IGSF21: variants seen among roughly 807,000 people sequenced by gnomAD.
IGSF21 encodes immunoglobin superfamily member 21.
In IGSF21, 28 loss-of-function variants were observed where a neutral mutation model predicts 46.8. The ratio of observed to expected loss-of-function variants is 0.60; its 90% CI spans 0.44 to 0.82. The LOEUF is 0.82. IGSF21 is among the 40% of genes least tolerant of loss of function. The pLI is 0.00. For synonymous variants in IGSF21, 284 were observed against 273.6 expected, an observed-to-expected ratio of 1.04 and a Z score of -0.38; for missense variants, 624 against 665.5, an observed-to-expected ratio of 0.94 and a Z score of 0.69.
At chr1:18,310,452 G>A (rs1185446699) in intron 3 of IGSF21, among the ~76,000 whole-genome samples, 1 of 152,226 alleles carries the variant, frequency 6.6e-6, no homozygotes, top group African/African-American at 2.4e-5. Context: ...TTACTACGTA[G>A]TACTCCACTG....
intron 1 of IGSF21, among the ~76,000 whole-genome samples, chr1:18,163,436 G>A (rs1348885900): frequency 6.6e-6 from 1 of 152,140 alleles, no homozygotes; most frequent in Non-Finnish European, 1.5e-5. Flanking sequence ...GGATGTATCT[G>A]CCTCTAAATC....
At chr1:18,346,783 T>G (rs1569853075) in intron 4 of IGSF21, among the ~76,000 whole-genome samples, 1 of 152,242 alleles carries the variant, frequency 6.6e-6, no homozygotes, top group East Asian at 1.9e-4. Flanking sequence ...GTGGGGGGCC[T>G]GAGACAGCTG....
chr1:18,376,691 C>A (rs917552991), intron 7 of IGSF21, 109 bp from the exon 8 acceptor site: 5 of 1,068,538 alleles, frequency 4.7e-6, no homozygotes, highest in East Asian at 4.9e-5. Context: ...ACTCCTAACC[C>A]GTCGGATGAG....
intron 2 of IGSF21, among the ~76,000 whole-genome samples, chr1:18,263,042 G>C (rs1348436576): frequency 6.6e-6 from 1 of 152,238 alleles, no homozygotes; most frequent in African/African-American, 2.4e-5. Context: ...ACATCCGCAG[G>C]ATGGGGCAAT....
chr1:18,118,074 C>A (rs1184770315), intron 1 of IGSF21, among the ~76,000 whole-genome samples: 2 of 152,198 alleles, frequency 1.3e-5, no homozygotes, highest in African/African-American at 2.4e-5. Flanking sequence ...CAACCCCCAG[C>A]CTCCTACATC....
chr1:18,352,303 G>A (rs1205370645), intron 4 of IGSF21, among the ~76,000 whole-genome samples: 1 of 152,136 alleles, frequency 6.6e-6, no homozygotes, highest in Non-Finnish European at 1.5e-5. Flanking sequence ...CTAATTTAGA[G>A]ATGCACCAAC....
At chr1:18,201,596 A>T (rs1355933034) in intron 1 of IGSF21, among the ~76,000 whole-genome samples, 1 of 152,112 alleles carries the variant, frequency 6.6e-6, no homozygotes, top group African/African-American at 2.4e-5. Flanking sequence ...GGTGAGGGAC[A>T]CCAGGCATGG....
intron 2 of IGSF21, among the ~76,000 whole-genome samples, chr1:18,275,757 C>A (rs1569699329): frequency 6.6e-6 from 1 of 152,220 alleles, no homozygotes; most frequent in South Asian, 2.1e-4. Flanking sequence ...AGACAGGAAG[C>A]CAGATGGAAA....
intron 3 of IGSF21, among the ~76,000 whole-genome samples, chr1:18,296,221 CT>C (rs760183942): frequency 6.6e-6 from 1 of 152,194 alleles, no homozygotes; most frequent in Non-Finnish European, 1.5e-5. Context: ...CACATAAACC[CT>C]TTCCTCCTAA....
At chr1:18,268,026 G>A (rs190088318) in intron 2 of IGSF21, among the ~76,000 whole-genome samples, 88 of 152,280 alleles carry the variant, frequency 5.8e-4, no homozygotes, top group African/African-American at 1.9e-3. Flanking sequence ...AGGGATCTTC[G>A]TCTGTTTTAT....
intron 4 of IGSF21, among the ~76,000 whole-genome samples, chr1:18,355,090 C>A (rs1407117175): frequency 6.6e-6 from 1 of 152,170 alleles, no homozygotes; most frequent in East Asian, 1.9e-4. Context: ...GGGAGCAGAG[C>A]CTGGGCTAGA....
chr1:18,352,738 G>T (rs11260986), intron 4 of IGSF21, among the ~76,000 whole-genome samples: 2,775 of 152,302 alleles, frequency 0.018, 92 homozygotes, highest in African/African-American at 0.062. Context: ...CAGCCAGCCA[G>T]AGCCTCCAGT....
intron 4 of IGSF21, among the ~76,000 whole-genome samples, chr1:18,356,850 G>T (rs1384071204): frequency 3.3e-5 from 5 of 152,138 alleles, no homozygotes; most frequent in Non-Finnish European, 7.3e-5. Flanking sequence ...AATGGAGGTG[G>T]GATAGAGATG....
chr1:18,259,220 G>A (rs1307173126), intron 2 of IGSF21, among the ~76,000 whole-genome samples: 1 of 152,162 alleles, frequency 6.6e-6, no homozygotes, highest in African/African-American at 2.4e-5. Flanking sequence ...AGGCCAGCTT[G>A]GGTTTGCATC....
intron 3 of IGSF21, among the ~76,000 whole-genome samples, chr1:18,306,306 C>T (rs1414533179): frequency 2.0e-5 from 3 of 152,142 alleles, no homozygotes; most frequent in African/African-American, 4.8e-5. Flanking sequence ...TTTTCTCTGC[C>T]AGATACATTC....
At chr1:18,246,729 G>A (rs970515892) in intron 2 of IGSF21, among the ~76,000 whole-genome samples, 10 of 152,144 alleles carry the variant, frequency 6.6e-5, no homozygotes, top group South Asian at 4.1e-4. Context: ...GCACCCTGGC[G>A]GCACCAAAGA....
chr1:18,178,086 G>A (rs749246732), intron 1 of IGSF21, among the ~76,000 whole-genome samples: 1 of 152,204 alleles, frequency 6.6e-6, no homozygotes, highest in Non-Finnish European at 1.5e-5. Context: ...AAAGGAAGGC[G>A]GGGAAGTGGG....
rs1387111730 is a variant in IGSF21, at chr1:18,365,565, A to T, written c.883A>T (p.Ser295Cys). ...YFLRHSRTPS[S>C]DGTVEVRALL... Reference sequence around the variant, plus strand: ...CCTGCGCCACAGCCGCACCCCGAGCAGTGACGGCACTGTGGAAGTACGTGC... The same window carrying T: ...CCTGCGCCACAGCCGCACCCCGAGCTGTGACGGCACTGTGGAAGTACGTGC... Residue 295 changes from serine to cysteine, a missense_variant, in exon 6 of 10, where the codon AGT becomes TGT. By Grantham distance (112) the Ser-to-Cys change is moderately radical. Transcript: ENST00000251296. The surrounding 1 kb of genome is among the most constrained non-coding windows in gnomAD (Gnocchi z 4.8). The T allele has an allele frequency of 6.2e-7, 1 of 1,614,184 alleles. No homozygotes were observed.
chr1:18,344,559 A>G (rs1438043109), intron 4 of IGSF21, among the ~76,000 whole-genome samples: 6 of 152,112 alleles, frequency 3.9e-5, no homozygotes, highest in Non-Finnish European at 5.9e-5. Flanking sequence ...ATGGGAAAGC[A>G]GAGTTCAGTT....
Sources: gnomAD v4.1 joint callset for allele counts (sites outside exome capture counted in the v4.1 genomes callset) on GRCh38, gnomAD v4.1.1 for gene constraint, Gnocchi (gnomAD v3.1) non-coding constraint, MANE v1.5 for transcripts, NCBI Gene and HGNC (gene_info 2026-07-23, HGNC 2026-07-21) for gene names.